DYM: variants seen among roughly 807,000 people sequenced by gnomAD.
The protein encoded by DYM is dymeclin.
In DYM, 78 loss-of-function variants were observed where a neutral mutation model predicts 93.1. The observed-to-expected ratio is 0.84, with a 90% CI of 0.70 to 1.01. The LOEUF is 1.01. Among genes scored for constraint, DYM ranks in the 50% least tolerant of loss-of-function variants. The pLI is 0.00. For missense variants in DYM, 789 were observed against 845.0 expected (o/e 0.93, Z 0.82); for synonymous variants, 321 against 319.7 (o/e 1.00, Z -0.04).
At chr18:49,151,016 G>A (rs910768655) in intron 15 of DYM, among the ~76,000 whole-genome samples, 2 of 152,124 alleles carry the variant, frequency 1.3e-5, no homozygotes, top group African/African-American at 4.8e-5. Context: ...TTCCAATCAT[G>A]GAATGACCTC....
chr18:49,214,766 G>A (rs1417881077), intron 13 of DYM, among the ~76,000 whole-genome samples: 1 of 152,088 alleles, frequency 6.6e-6, no homozygotes, highest in Non-Finnish European at 1.5e-5. Flanking sequence ...TAGCATAACT[G>A]AATAAAATAT....
Position 49,059,418 on chromosome 18 carries a change from CT to C in DYM, c.2026-15215del, listed in dbSNP as rs1238698771. Among the ~76,000 whole-genome samples, 4 of 152,290 alleles carry C rather than the reference CT, an allele frequency of 2.6e-5. No individual in the cohort carries two copies. The East Asian group carries it at 7.7e-4, about 29-fold the overall frequency. Reference sequence around the variant, plus strand: ...CTGCTCACCCATGCATCCTTCTTTCCTTTTTATTAATATTTACATTATAACT... The same window carrying C: ...CTGCTCACCCATGCATCCTTCTTTCCTTTTATTAATATTTACATTATAACT... On this transcript the variant is annotated intron_variant, in intron 17 of 17. Coordinates refer to ENST00000675505, the MANE Select transcript of DYM (RefSeq NM_001353214.3).
chr18:49,141,725 C>T (rs2084521642), intron 15 of DYM, among the ~76,000 whole-genome samples: 1 of 152,182 alleles, frequency 6.6e-6, no homozygotes, highest in African/African-American at 2.4e-5. Flanking sequence ...ATTTTAGCTC[C>T]ATTTTTAATT....
chr18:49,252,785 T>C (rs2145016992), intron 13 of DYM, among the ~76,000 whole-genome samples: 1 of 152,312 alleles, frequency 6.6e-6, no homozygotes, highest in African/African-American at 2.4e-5. Context: ...AGGGACAGTC[T>C]TAAGGGCTGG....
intron 1 of DYM, among the ~76,000 whole-genome samples, chr18:49,441,341 A>AT (rs1402871842): frequency 5.0e-5 from 4 of 80,054 alleles, no homozygotes; most frequent in Non-Finnish European, 8.9e-5. Context: ...ATAATTATAT[A>AT]TAATTAATAT....
At chr18:49,313,131 G>A (rs1169970236) in intron 8 of DYM, among the ~76,000 whole-genome samples, 1 of 152,060 alleles carries the variant, frequency 6.6e-6, no homozygotes, top group Non-Finnish European at 1.5e-5. Flanking sequence ...GAGACCGGAG[G>A]TCAACACAGG....
chr18:49,341,559 T>G (rs112400443), intron 6 of DYM, among the ~76,000 whole-genome samples: 25 of 151,662 alleles, frequency 1.6e-4, no homozygotes, highest in African/African-American at 5.3e-4. Flanking sequence ...GTATTTCCTT[T>G]GTGTCACTGA....
chr18:49,332,005 G>T lies in DYM; in HGVS notation c.622C>A (p.Leu208Ile). Residue 208 changes from leucine to isoleucine, a missense_variant and splice_region_variant, in exon 8 of 18, where the codon CTT becomes ATT. By Grantham distance (5) the Leu-to-Ile change is conservative. Around this residue, in one of 3 missense-constraint regions of DYM, gnomAD observed 450 missense variants for 436.2 expected, o/e 1.03. Coordinates refer to ENST00000675505, the MANE Select transcript of DYM (RefSeq NM_001353214.3). ...TTCACAAGTTTGCTGGTGTATGGAAGACTATACAAAAAGGAAAAAAAAATC... is the reference window on the plus strand; with the variant it reads ...TTCACAAGTTTGCTGGTGTATGGAATACTATACAAAAAGGAAAAAAAAATC... ...SHKYLMRGPC[L>I]PYTSKLVKTL... 6.2e-7 allele frequency: 1 copy of T among 1,613,208 alleles called. No individual in the cohort carries two copies. Among genetic ancestry groups the T allele is most frequent in the South Asian group, 1.1e-5 (1 of 91,038 alleles).
At chr18:49,144,561 A>C (rs1369811319) in intron 15 of DYM, among the ~76,000 whole-genome samples, 1 of 152,198 alleles carries the variant, frequency 6.6e-6, no homozygotes, top group Non-Finnish European at 1.5e-5. Context: ...GAAAGGCAGG[A>C]CAAATCCCCA....
intron 10 of DYM, among the ~76,000 whole-genome samples, chr18:49,273,306 T>C (rs1466839292): frequency 6.6e-6 from 1 of 152,198 alleles, no homozygotes; most frequent in Admixed American, 6.6e-5. Context: ...AAGCAGTCAT[T>C]GCTCTGTCTC....
At chr18:49,430,730 C>T (rs1600196010) in intron 1 of DYM, among the ~76,000 whole-genome samples, 1 of 151,982 alleles carries the variant, frequency 6.6e-6, no homozygotes, top group African/African-American at 2.4e-5. Context: ...ACTAAAAATA[C>T]AAAACTTAGC....
intron 14 of DYM, among the ~76,000 whole-genome samples, chr18:49,200,304 T>TTTTACTA (rs1437706840): frequency 6.6e-6 from 1 of 152,008 alleles, no homozygotes; most frequent in Non-Finnish European, 1.5e-5. Context: ...GTCATGTACA[T>TTTTACTA]TTTACTATTG....
chr18:49,303,032 C>T (rs1599269248), intron 8 of DYM, among the ~76,000 whole-genome samples: 2 of 152,140 alleles, frequency 1.3e-5, no homozygotes, highest in East Asian at 3.9e-4. Context: ...AATTATCTTC[C>T]CAGACTTCTC....
intron 8 of DYM, among the ~76,000 whole-genome samples, chr18:49,297,791 C>G (rs371380102): frequency 1.3e-5 from 2 of 151,254 alleles, no homozygotes; most frequent in South Asian, 2.1e-4. Context: ...ACAATGTTTC[C>G]TAAAACAAAC....
intron 14 of DYM, among the ~76,000 whole-genome samples, chr18:49,169,681 A>G (rs2088401112): frequency 6.6e-6 from 1 of 152,020 alleles, no homozygotes; most frequent in African/African-American, 2.4e-5. Flanking sequence ...ATGCCCTGCC[A>G]TCTATGGTGG....
chr18:49,434,479 C>A (rs757834776), intron 1 of DYM, among the ~76,000 whole-genome samples: 1 of 152,000 alleles, frequency 6.6e-6, no homozygotes, highest in Non-Finnish European at 1.5e-5. Flanking sequence ...AAGACTGCAC[C>A]ATTGCATTCC....
chr18:49,172,581 A>AT (rs1400030072), intron 14 of DYM, among the ~76,000 whole-genome samples: 2 of 152,150 alleles, frequency 1.3e-5, no homozygotes, highest in African/African-American at 4.8e-5. Flanking sequence ...ATCTTTGCCC[A>AT]TTTAAAACAA....
chr18:49,080,723 G>T, intron 17 of DYM, among the ~76,000 whole-genome samples: 1 of 148,924 alleles, frequency 6.7e-6, no homozygotes, highest in Admixed American at 6.6e-5. Flanking sequence ...CTGCCGGGCA[G>T]AGGGGCTCCT....
intron 13 of DYM, among the ~76,000 whole-genome samples, chr18:49,244,238 C>G (rs574566611): frequency 6.6e-6 from 1 of 152,294 alleles, no homozygotes; most frequent in East Asian, 1.9e-4. Context: ...AACTGGTTCT[C>G]CGCTGGACTT....
Sources: gnomAD v4.1 joint callset for allele counts (sites outside exome capture counted in the v4.1 genomes callset) on GRCh38, gnomAD v4.1.1 for gene constraint, gnomAD v4.1.1 regional missense constraint, MANE v1.5 for transcripts, NCBI Gene and HGNC (gene_info 2026-07-23, HGNC 2026-07-21) for gene names.